GRIP1: variants seen among roughly 807,000 people sequenced by gnomAD.
GRIP1 encodes the protein glutamate receptor interacting protein 1, also known as glutamate receptor-interacting protein 1.
In GRIP1, 45 loss-of-function variants were observed where a neutral mutation model predicts 129.9. The ratio of observed to expected loss-of-function variants is 0.35; its 90% CI spans 0.27 to 0.44. The LOEUF (loss-of-function observed/expected upper bound fraction) is 0.44, where lower values mean the gene tolerates loss of function less well. GRIP1 is among the 20% of genes least tolerant of loss of function. GRIP1 has a pLI of 1.00. For synonymous variants in GRIP1, 530 were observed against 520.8 expected (o/e 1.02, Z -0.24); for missense variants, 1,196 against 1,396.8 (o/e 0.86, Z 2.29).
Position 66,475,069 on chromosome 12 carries a change from G to C in GRIP1, c.725-9647C>G, listed in dbSNP as rs563496947. On this transcript the variant is annotated intron_variant, in intron 7 of 24. Transcript: ENST00000359742. The stretch of plus-strand genomic sequence containing the variant: ...AAGAGTCAAGACCCATCAGTGTGCT[G>C]TATTCAGGAAACCCATCTCATGTGC... Among the ~76,000 whole-genome samples the C allele has an allele frequency of 4.7e-4, 71 of 152,288 alleles. No homozygotes were observed. The East Asian group carries it at 0.013, about 29-fold the overall frequency.
intron 1 of GRIP1, among the ~76,000 whole-genome samples, chr12:66,998,421 TA>T (rs35980470): frequency 2.8e-4 from 41 of 148,662 alleles, no homozygotes; most frequent in African/African-American, 6.1e-4. Context: ...ACTTTTCTGA[TA>T]AAAAAAAATA....
chr12:66,568,598 C>A, intron 2 of GRIP1: 1 of 187,626 alleles, frequency 5.3e-6, no homozygotes. Context: ...TTCCGCACTG[C>A]CATGTGTCAA....
At chr12:66,737,325 C>A (rs1380970203) in intron 1 of GRIP1, among the ~76,000 whole-genome samples, 1 of 152,156 alleles carries the variant, frequency 6.6e-6, no homozygotes, top group African/African-American at 2.4e-5. Flanking sequence ...ACTCTGTCAC[C>A]TAGGCTGGAG....
intron 1 of GRIP1, among the ~76,000 whole-genome samples, chr12:66,852,988 T>C (rs1489042144): frequency 6.6e-6 from 1 of 151,824 alleles, no homozygotes; most frequent in Non-Finnish European, 1.5e-5. Context: ...AAGTAAAACA[T>C]GCCAAGCTAG....
At chr12:66,635,042 A>G (rs2031218703) in intron 1 of GRIP1, among the ~76,000 whole-genome samples, 1 of 152,232 alleles carries the variant, frequency 6.6e-6, no homozygotes, top group African/African-American at 2.4e-5. Flanking sequence ...TGTGACCTCT[A>G]ATGGTGTCTG....
At chr12:66,555,092 G>A (rs1413970858) in intron 2 of GRIP1, among the ~76,000 whole-genome samples, 1 of 152,136 alleles carries the variant, frequency 6.6e-6, no homozygotes, top group African/African-American at 2.4e-5. Context: ...CAGGCCTTAG[G>A]TGAGACCCAC....
intron 19 of GRIP1, 138 bp downstream of exon 19, chr12:66,392,170 T>C (rs755656389): frequency 7.6e-6 from 5 of 659,288 alleles, no homozygotes; most frequent in Non-Finnish European, 1.4e-5. Context: ...GTATTCAATG[T>C]GTTCAATATG....
At chr12:66,987,404 A>G (rs1029055549) in intron 1 of GRIP1, among the ~76,000 whole-genome samples, 1 of 152,210 alleles carries the variant, frequency 6.6e-6, no homozygotes, top group Non-Finnish European at 1.5e-5. Context: ...TTCTGACAGC[A>G]GAGGTCCTTT....
intron 1 of GRIP1, among the ~76,000 whole-genome samples, chr12:66,767,245 CA>C (rs1378150352): frequency 2.0e-5 from 3 of 152,072 alleles, no homozygotes; most frequent in African/African-American, 7.2e-5. Context: ...CTTCAAATAT[CA>C]GATTGTTTTT....
At chr12:66,571,524 G>A (rs940542847) in intron 2 of GRIP1, among the ~76,000 whole-genome samples, 4 of 151,700 alleles carry the variant, frequency 2.6e-5, no homozygotes, top group African/African-American at 9.7e-5. Flanking sequence ...GATTCATCAT[G>A]TAGTCTGAAT....
intron 11 of GRIP1, among the ~76,000 whole-genome samples, chr12:66,447,344 G>C (rs1279185707): frequency 6.6e-6 from 1 of 152,214 alleles, no homozygotes; most frequent in Non-Finnish European, 1.5e-5. Flanking sequence ...GCTGAAGGGT[G>C]CTAGGAAAAG....
chr12:66,970,612 A>G (rs2102248), intron 1 of GRIP1, among the ~76,000 whole-genome samples: 147,201 of 149,458 alleles, frequency 0.98, 72,495 homozygotes, highest in East Asian at 1. Context: ...TTGGCCAGCC[A>G]GTGTCTGTCT....
intron 1 of GRIP1, among the ~76,000 whole-genome samples, chr12:66,898,876 A>C (rs2040796834): frequency 6.6e-6 from 1 of 152,172 alleles, no homozygotes; most frequent in Non-Finnish European, 1.5e-5. Context: ...CTGTGCTGAC[A>C]GGGATTGAGT....
intron 13 of GRIP1, among the ~76,000 whole-genome samples, chr12:66,438,863 A>ACATT (rs1225789849): frequency 6.6e-6 from 1 of 152,164 alleles, no homozygotes; most frequent in Non-Finnish European, 1.5e-5. Flanking sequence ...TGCTAGGTGT[A>ACATT]CATTCATAAA....
At chr12:66,593,926 G>C (rs970810803) in intron 2 of GRIP1, among the ~76,000 whole-genome samples, 6 of 151,854 alleles carry the variant, frequency 4.0e-5, no homozygotes, top group Non-Finnish European at 7.4e-5. Flanking sequence ...AAATTAGCTG[G>C]GTGTGGTGGT....
At chr12:66,748,953 T>G (rs1360137651) in intron 1 of GRIP1, among the ~76,000 whole-genome samples, 2 of 152,190 alleles carry the variant, frequency 1.3e-5, no homozygotes, top group Non-Finnish European at 2.9e-5. Context: ...GACTTCTCTA[T>G]ATAAACAATA....
intron 1 of GRIP1, among the ~76,000 whole-genome samples, chr12:67,058,017 A>C (rs1227655097): frequency 2.0e-5 from 3 of 152,242 alleles, no homozygotes; most frequent in Non-Finnish European, 4.4e-5. Flanking sequence ...TACAACTATC[A>C]AAGTTTGATT....
rs113082055 is a variant in GRIP1, at chr12:66,674,825, C to G, written c.55+4025G>C. Reference sequence around the variant, plus strand: ...GCCAGTGGAGAGAGCAATACCCATACATGCCCAGACAGCAGAAAAGGAGAA... The same window carrying G: ...GCCAGTGGAGAGAGCAATACCCATAGATGCCCAGACAGCAGAAAAGGAGAA... On this transcript the variant is annotated intron_variant, in intron 1 of 24. Transcript: ENST00000359742. Among the ~76,000 whole-genome samples the G allele has an allele frequency of 4.7e-3, 715 of 152,238 alleles. 6 individuals are homozygous for G. The highest frequency in any genetic ancestry group is 0.016 in the African/African-American group (682 of 41,534).
chr12:66,548,788 C>T (rs1401188427), intron 2 of GRIP1, among the ~76,000 whole-genome samples: 5 of 151,994 alleles, frequency 3.3e-5, no homozygotes, highest in South Asian at 2.1e-4. Flanking sequence ...TGTGTTGCTG[C>T]GGGTGATTGG....
Sources: gnomAD v4.1 joint callset for allele counts (sites outside exome capture counted in the v4.1 genomes callset) on GRCh38, gnomAD v4.1.1 for gene constraint, MANE v1.5 for transcripts, NCBI Gene and HGNC (gene_info 2026-07-23, HGNC 2026-07-21) for gene names.